EDDM3A: variants seen among roughly 807,000 people sequenced by gnomAD.
EDDM3A encodes epididymal secretory protein E3-alpha.
For synonymous variants in EDDM3A, 75 were observed against 60.4 expected, an observed-to-expected ratio of 1.24 and a Z score of -1.12; for missense variants, 199 against 177.4, an observed-to-expected ratio of 1.12 and a Z score of -0.69.
chr14:20,742,358 C>T (rs1381550650), upstream of EDDM3A, among the ~76,000 whole-genome samples: 1 of 152,220 alleles, frequency 6.6e-6, no homozygotes, highest in African/African-American at 2.4e-5. Context: ...TGTCTGATTT[C>T]CTCCAGTCTT....
At position 20,748,156 on chromosome 14, in the gene EDDM3A, T is replaced by C; in HGVS notation, c.*132T>C. ...TCAGTGTTTTCCAACTACTTAGAGTTTATGTACCTCGTGATTTCTTGATAC... is the reference window on the plus strand; with the variant it reads ...TCAGTGTTTTCCAACTACTTAGAGTCTATGTACCTCGTGATTTCTTGATAC... On this transcript the variant is annotated 3_prime_UTR_variant, in exon 2 of 2. Transcript: ENST00000326842. 1.6e-6 allele frequency: 1 copy of C among 632,064 alleles called. No homozygotes were observed. The highest frequency in any genetic ancestry group is 2.7e-5 in the South Asian group (1 of 37,544). The allele number at this position is 632,064 out of a possible 1,614,324, so 39.2% of individuals were successfully genotyped here. A position where few individuals can be genotyped will look rare whatever the true frequency, so the allele number is the denominator to read the frequency against.
the EDDM3A span, among the ~76,000 whole-genome samples, chr14:20,738,506 T>TAAATAAACAAAC: frequency 6.9e-5 from 10 of 144,426 alleles, no homozygotes; most frequent in African/African-American, 2.1e-4. Flanking sequence ...AATAAATAAA[T>TAAATAAACAAAC]AAACAGTAGC....
chr14:20,745,354 G>A (rs10129274), upstream of EDDM3A, among the ~76,000 whole-genome samples: 5,970 of 151,782 alleles, frequency 0.039, 392 homozygotes, highest in African/African-American at 0.14. Context: ...GTGAAACCCC[G>A]TCTCTACTAA....
chr14:20,736,598 C>A, the EDDM3A span, among the ~76,000 whole-genome samples: 1 of 152,142 alleles, frequency 6.6e-6, no homozygotes, highest in Non-Finnish European at 1.5e-5. Flanking sequence ...TCTTTCCTTT[C>A]TCATATTACT....
At chr14:20,747,001 G>A (rs924144792) in intron 1 of EDDM3A, among the ~76,000 whole-genome samples, 3 of 151,984 alleles carry the variant, frequency 2.0e-5, no homozygotes, top group Non-Finnish European at 4.4e-5. Flanking sequence ...AGGGTAGACA[G>A]GAGATATTTG....
upstream of EDDM3A, among the ~76,000 whole-genome samples, chr14:20,741,490 C>T (rs1297266427): frequency 1.3e-5 from 2 of 152,090 alleles, no homozygotes; most frequent in Non-Finnish European, 2.9e-5. Context: ...AAGGAACCCT[C>T]GGACCATGGC....
the EDDM3A span, among the ~76,000 whole-genome samples, chr14:20,737,054 C>CTTTTTTCTTTTTTTTTTTTTTTTTTTTTT: frequency 3.6e-5 from 4 of 109,968 alleles, 1 homozygote; most frequent in African/African-American, 1.2e-4. Context: ...TTTCTTTTTC[C>CTTTTTTCTTTTTTTTTTTTTTTTTTTTTT]TTTTTTTTTT....
At chr14:20,747,099 A>ATT (rs1877615089) in intron 1 of EDDM3A, among the ~76,000 whole-genome samples, 2 of 111,658 alleles carry the variant, frequency 1.8e-5, no homozygotes, top group African/African-American at 6.4e-5. Context: ...TAGAAACTGT[A>ATT]TTCTTTTTTT....
the EDDM3A span, among the ~76,000 whole-genome samples, chr14:20,736,477 T>C: frequency 1.3e-5 from 2 of 152,292 alleles, no homozygotes; most frequent in Admixed American, 6.5e-5. Flanking sequence ...TGAATTACTT[T>C]CACGGTGGTA....
chr14:20,741,304 C>G (rs1336119286), upstream of EDDM3A, among the ~76,000 whole-genome samples: 1 of 152,208 alleles, frequency 6.6e-6, no homozygotes, highest in Non-Finnish European at 1.5e-5. Flanking sequence ...ATAAACATGA[C>G]ATTTATTAGC....
chr14:20,737,944 T>C, the EDDM3A span, among the ~76,000 whole-genome samples: 6 of 152,222 alleles, frequency 3.9e-5, no homozygotes, highest in Non-Finnish European at 7.3e-5. Context: ...TCCTGCAATG[T>C]TGAATGGCTC....
upstream of EDDM3A, chr14:20,745,879 A>G (rs1877569395): frequency 6.6e-6 from 1 of 152,242 alleles, no homozygotes; most frequent in African/African-American, 2.4e-5. Flanking sequence ...TCCTTTCTCC[A>G]CTGCTGTAGA....
At chr14:20,737,046 T>TCTTTTTC in the EDDM3A span, among the ~76,000 whole-genome samples, 9 of 129,578 alleles carry the variant, frequency 6.9e-5, no homozygotes, top group Admixed American at 3.0e-4. Context: ...TCTTTTCTTT[T>TCTTTTTC]CTTTTTCCTT....
Position 20,748,036 on chromosome 14 carries a change from A to G in EDDM3A, c.*12A>G, listed in dbSNP as rs1877661601. ...CTATCAGCAACTAGAAAGTCTATGCACATCCTCAGATATTGGTAGAGTATT... is the reference window on the plus strand; with the variant it reads ...CTATCAGCAACTAGAAAGTCTATGCGCATCCTCAGATATTGGTAGAGTATT... On this transcript the variant is annotated 3_prime_UTR_variant, in exon 2 of 2. Transcript: ENST00000326842. 1.9e-6 allele frequency: 3 copies of G among 1,575,500 alleles called. No individual in the cohort carries two copies. The highest frequency in any genetic ancestry group is 2.2e-5 in the East Asian group (1 of 44,548).
Position 20,748,159 on chromosome 14 carries a change from T to G in EDDM3A, c.*135T>G, listed in dbSNP as rs1444448102. The G allele has an allele frequency of 4.8e-6, 3 of 620,988 alleles. No homozygotes were observed. Among genetic ancestry groups the G allele is most frequent in the Non-Finnish European group, 8.3e-6 (3 of 362,616 alleles). 38.5% of individuals were successfully genotyped at this position (620,988 alleles called of 1,614,324 possible). ...GTGTTTTCCAACTACTTAGAGTTTA[T>G]GTACCTCGTGATTTCTTGATACCAA... On this transcript the variant is annotated 3_prime_UTR_variant, in exon 2 of 2. Coordinates refer to ENST00000326842, the MANE Select transcript of EDDM3A (RefSeq NM_006683.5).
chr14:20,737,054 CTTTTT>C, the EDDM3A span, among the ~76,000 whole-genome samples: 1 of 109,968 alleles, frequency 9.1e-6, no homozygotes, highest in African/African-American at 3.1e-5. Context: ...TTTCTTTTTC[CTTTTT>C]TTTTTTTTTT....
At chr14:20,740,985 C>T (rs1877419607), upstream of EDDM3A, among the ~76,000 whole-genome samples, 1 of 152,196 alleles carries the variant, frequency 6.6e-6, no homozygotes, top group Non-Finnish European at 1.5e-5. Flanking sequence ...TGGGTACACT[C>T]TCCATTCTCT....
At chr14:20,739,923 C>T in the EDDM3A span, among the ~76,000 whole-genome samples, 2,911 of 152,240 alleles carry the variant, frequency 0.019, 101 homozygotes, top group African/African-American at 0.066. Context: ...TCAAGAATTG[C>T]TTCAGGCATT....
upstream of EDDM3A, among the ~76,000 whole-genome samples, chr14:20,745,457 C>T (rs12100477): frequency 0.04 from 5,875 of 148,088 alleles, 378 homozygotes; most frequent in African/African-American, 0.14. Context: ...ACCCGGGAGG[C>T]GGAGCTTGCA....
Sources: gnomAD v4.1 joint callset for allele counts (sites outside exome capture counted in the v4.1 genomes callset) on GRCh38, gnomAD v4.1.1 for gene constraint, MANE v1.5 for transcripts, NCBI Gene and HGNC (gene_info 2026-07-23, HGNC 2026-07-21) for gene names.